The following FSTL5 variants were observed in gnomAD, a reference collection of about 807,000 sequenced individuals.
The protein encoded by FSTL5 is follistatin like 5, also known as follistatin-related protein 5.
FSTL5 carries 62 observed loss-of-function variants against 89.1 expected under a neutral mutation model. The observed-to-expected ratio is 0.70, with a 90% CI of 0.57 to 0.86. The LOEUF (loss-of-function observed/expected upper bound fraction) is 0.86, where lower values mean the gene tolerates loss of function less well. FSTL5 is among the 40% of genes least tolerant of loss of function. The probability of loss-of-function intolerance (pLI) is 0.00; values close to 1 mark genes in which losing one functional copy is unlikely to be tolerated. For missense variants in FSTL5, 1,057 were observed against 1,001.6 expected, an observed-to-expected ratio of 1.06 and a Z score of -0.75; for synonymous variants, 383 against 346.2, an observed-to-expected ratio of 1.11 and a Z score of -1.18.
chr4:161,888,227 A>C (rs1295501392), intron 4 of FSTL5, among the ~76,000 whole-genome samples: 2 of 152,092 alleles, frequency 1.3e-5, no homozygotes, highest in Non-Finnish European at 2.9e-5. Flanking sequence ...GCTGGTGAAA[A>C]TTGATAGAGT....
intron 3 of FSTL5, among the ~76,000 whole-genome samples, chr4:161,992,802 G>A (rs1245173511): frequency 4.2e-5 from 6 of 142,728 alleles, no homozygotes; most frequent in Non-Finnish European, 7.5e-5. Context: ...TGAGACCACC[G>A]TGCCATTGAA....
chr4:161,975,437 G>A lies in FSTL5; in HGVS notation c.161-54785C>T, dbSNP rs1175966395. On this transcript the variant is annotated intron_variant, in intron 3 of 15. Coordinates refer to ENST00000306100, the MANE Select transcript of FSTL5 (RefSeq NM_020116.5). ...ACTATGCAGCCATAAAAAATGATGAGTTCATGTCCTTTGTAGGGACATGGA... is the reference window on the plus strand; with the variant it reads ...ACTATGCAGCCATAAAAAATGATGAATTCATGTCCTTTGTAGGGACATGGA... 1.7e-3 allele frequency among the ~76,000 whole-genome samples: 253 copies of A among 151,510 alleles called. 1 individual carries two copies. Among genetic ancestry groups the A allele is most frequent in the African/African-American group, 5.9e-3 (245 of 41,288 alleles).
intron 3 of FSTL5, among the ~76,000 whole-genome samples, chr4:161,991,042 A>T (rs76845305): frequency 0.055 from 8,365 of 152,226 alleles, 265 homozygotes; most frequent in Non-Finnish European, 0.077. Context: ...GATATGAACC[A>T]AATCCCAGCA....
Position 161,411,632 on chromosome 4 carries a change from A to C in FSTL5, c.1842-25183T>G, listed in dbSNP as rs564475309. ...CAGAGGAAGCTTTCAATAAGATCTAACATCCCTTCATGATTAAAAACCCTC... is the reference window on the plus strand; with the variant it reads ...CAGAGGAAGCTTTCAATAAGATCTACCATCCCTTCATGATTAAAAACCCTC... On this transcript the variant is annotated intron_variant, in intron 15 of 15. Transcript: ENST00000306100. Among the ~76,000 whole-genome samples, 29 of 152,290 alleles carry C rather than the reference A, an allele frequency of 1.9e-4. No homozygotes were observed. In the East Asian group the frequency reaches 4.1e-3, roughly 21 times the overall value.
intron 8 of FSTL5, among the ~76,000 whole-genome samples, chr4:161,544,294 G>C (rs369158267): frequency 3.9e-5 from 6 of 151,914 alleles, no homozygotes; most frequent in African/African-American, 1.5e-4. Context: ...GCACATTGCT[G>C]GTGGGAATAT....
At chr4:161,411,069 T>C (rs1481517704) in intron 15 of FSTL5, among the ~76,000 whole-genome samples, 2 of 143,334 alleles carry the variant, frequency 1.4e-5, no homozygotes, top group Admixed American at 7.3e-5. Flanking sequence ...TGAACAACTC[T>C]ATGCACAGAA....
intron 15 of FSTL5, among the ~76,000 whole-genome samples, chr4:161,451,796 T>C (rs537480848): frequency 2.0e-5 from 3 of 152,350 alleles, no homozygotes; most frequent in Non-Finnish European, 4.4e-5. Context: ...CTTCCCTCAG[T>C]ACCAGCTAGT....
intron 15 of FSTL5, among the ~76,000 whole-genome samples, chr4:161,445,559 A>G (rs1732916019): frequency 6.6e-6 from 1 of 151,994 alleles, no homozygotes; most frequent in African/African-American, 2.4e-5. Flanking sequence ...CGATAGTCCA[A>G]AAATGGTTTT....
intron 13 of FSTL5, among the ~76,000 whole-genome samples, chr4:161,467,425 C>T (rs1191803333): frequency 6.6e-6 from 1 of 152,038 alleles, no homozygotes; most frequent in Non-Finnish European, 1.5e-5. Flanking sequence ...TGATGCTTTA[C>T]TTTTTACAAA....
intron 8 of FSTL5, among the ~76,000 whole-genome samples, chr4:161,562,022 C>T (rs1403175957): frequency 2.6e-5 from 4 of 151,996 alleles, no homozygotes; most frequent in African/African-American, 4.8e-5. Flanking sequence ...GAGCCAGAAT[C>T]TCAGGACACC....
chr4:161,601,637 T>C (rs376622024), intron 7 of FSTL5, among the ~76,000 whole-genome samples: 1 of 152,070 alleles, frequency 6.6e-6, no homozygotes, highest in Non-Finnish European at 1.5e-5. Flanking sequence ...GACAAGAGCA[T>C]AAGAAACAAC....
intron 6 of FSTL5, among the ~76,000 whole-genome samples, chr4:161,745,698 G>C: frequency 6.6e-6 from 1 of 151,766 alleles, no homozygotes; most frequent in East Asian, 1.9e-4. Flanking sequence ...GTAGCAATAA[G>C]ATAAATTCCT....
chr4:161,934,854 A>G (rs1734388851), intron 3 of FSTL5, among the ~76,000 whole-genome samples: 1 of 152,064 alleles, frequency 6.6e-6, no homozygotes, highest in Admixed American at 6.6e-5. Flanking sequence ...ATTTCATTCT[A>G]AAAAACAACC....
At chr4:161,703,516 C>T (rs1560798938) in intron 6 of FSTL5, among the ~76,000 whole-genome samples, 1 of 152,098 alleles carries the variant, frequency 6.6e-6, no homozygotes, top group Non-Finnish European at 1.5e-5. Flanking sequence ...AAGCAAAAAA[C>T]TTACACTCTC....
chr4:161,579,466 C>G (rs1733348517), intron 8 of FSTL5, among the ~76,000 whole-genome samples: 1 of 151,712 alleles, frequency 6.6e-6, no homozygotes, highest in Non-Finnish European at 1.5e-5. Context: ...ACTTGTAATC[C>G]CAGCACTTTG....
At chr4:162,030,923 A>G (rs1015796588) in intron 3 of FSTL5, among the ~76,000 whole-genome samples, 4 of 152,166 alleles carry the variant, frequency 2.6e-5, no homozygotes, top group Non-Finnish European at 5.9e-5. Context: ...TATTCTAGGT[A>G]TGTTCCTCAA....
intron 15 of FSTL5, among the ~76,000 whole-genome samples, chr4:161,392,905 T>A (rs1343516786): frequency 6.6e-6 from 1 of 152,176 alleles, no homozygotes; most frequent in East Asian, 1.9e-4. Flanking sequence ...GGCTCACACC[T>A]GTAATCCCAG....
At chr4:161,882,439 T>C (rs1732664081) in intron 4 of FSTL5, among the ~76,000 whole-genome samples, 1 of 152,122 alleles carries the variant, frequency 6.6e-6, no homozygotes. Context: ...CTTGGAAAAT[T>C]GAAACATTCA....
chr4:161,536,859 A>T (rs1003524441), intron 10 of FSTL5, among the ~76,000 whole-genome samples: 2 of 152,216 alleles, frequency 1.3e-5, no homozygotes, highest in Non-Finnish European at 2.9e-5. Flanking sequence ...CATCATAAGG[A>T]CAAAGAAAAC....
Sources: gnomAD v4.1 joint callset for allele counts (sites outside exome capture counted in the v4.1 genomes callset) on GRCh38, gnomAD v4.1.1 for gene constraint, MANE v1.5 for transcripts, NCBI Gene and HGNC (gene_info 2026-07-23, HGNC 2026-07-21) for gene names.